The following MELK variants were observed in gnomAD, a reference collection of about 807,000 sequenced individuals.
The protein encoded by MELK is pEg3 kinase.
MELK carries 81 observed loss-of-function variants against 85.0 expected under a neutral mutation model. That is an observed-to-expected ratio of 0.95 (90% CI 0.80 to 1.15). The LOEUF (loss-of-function observed/expected upper bound fraction) is 1.15, where lower values mean the gene tolerates loss of function less well. MELK is among the 50% of genes most tolerant of loss of function. The probability of loss-of-function intolerance (pLI) is 0.00; values close to 1 mark genes in which losing one functional copy is unlikely to be tolerated. For missense variants in MELK, 754 were observed against 777.5 expected (o/e 0.97, Z 0.36); for synonymous variants, 252 against 265.0 (o/e 0.95, Z 0.48).
intron 14 of MELK, among the ~76,000 whole-genome samples, chr9:36,666,036 C>T (rs548693604): frequency 6.6e-6 from 1 of 152,268 alleles, no homozygotes; most frequent in Admixed American, 6.5e-5. Context: ...GGTGTCTGGT[C>T]CTGTTCTGCC....
chr9:36,629,722 T>C (rs1469336534), intron 8 of MELK, among the ~76,000 whole-genome samples: 2 of 152,194 alleles, frequency 1.3e-5, no homozygotes, highest in African/African-American at 4.8e-5. Context: ...TCCAAAGCTG[T>C]ATGACATTTT....
chr9:36,595,605 GTTTTT>G (rs60428796), intron 5 of MELK, among the ~76,000 whole-genome samples: 1 of 122,720 alleles, frequency 8.1e-6, no homozygotes, highest in Non-Finnish European at 1.7e-5. Flanking sequence ...TAAATGTCTT[GTTTTT>G]TTTTTTTTTT....
chr9:36,677,328 C>T lies in MELK; in HGVS notation c.1947C>T (p.Cys649=). ...TAGTGGAAGACATCCTATCTAGCTG[C>T]AAGGTATAATTGATGGATTCTTCCA... ...KRLVEDILSS[C]KV Residue 649 remains cysteine, a synonymous_variant, in exon 18 of 18, where the codon TGC becomes TGT. Coordinates refer to ENST00000298048, the MANE Select transcript of MELK (RefSeq NM_014791.4). 2 of 1,612,098 alleles carry T rather than the reference C, an allele frequency of 1.2e-6. No homozygotes were observed. The highest frequency in any genetic ancestry group is 1.7e-6 in the Non-Finnish European group (2 of 1,178,948).
intron 1 of MELK, 124 bp from the exon 2 acceptor site, chr9:36,581,520 G>T: frequency 5.6e-6 from 3 of 532,572 alleles, no homozygotes; most frequent in Non-Finnish European, 3.4e-6. Flanking sequence ...TTTTCATATG[G>T]CCAATAATCA....
At chr9:36,632,060 G>A (rs1331018516) in intron 9 of MELK, among the ~76,000 whole-genome samples, 1 of 152,228 alleles carries the variant, frequency 6.6e-6, no homozygotes, top group Admixed American at 6.5e-5. Flanking sequence ...CTAGTGCAGT[G>A]GTTCTCAAAC....
intron 3 of MELK, among the ~76,000 whole-genome samples, chr9:36,585,018 C>T (rs138001768): frequency 8.5e-4 from 129 of 152,218 alleles, no homozygotes; most frequent in Middle Eastern, 6.8e-3. Context: ...TGTACTTGGC[C>T]TGTCCCAGCA....
intron 1 of MELK, among the ~76,000 whole-genome samples, chr9:36,577,477 C>G (rs1327148550): frequency 6.6e-6 from 1 of 151,926 alleles, no homozygotes; most frequent in Non-Finnish European, 1.5e-5. Flanking sequence ...GATCGCACTA[C>G]TGCACTGCAG....
intron 10 of MELK, among the ~76,000 whole-genome samples, chr9:36,640,375 G>GT (rs1418246974): frequency 6.6e-5 from 10 of 152,316 alleles, no homozygotes; most frequent in African/African-American, 2.2e-4. Flanking sequence ...CTTTCTTGCT[G>GT]TGTCCTCACG....
intron 13 of MELK, among the ~76,000 whole-genome samples, chr9:36,658,238 T>C (rs1831445410): frequency 6.6e-6 from 1 of 152,132 alleles, no homozygotes; most frequent in East Asian, 1.9e-4. Flanking sequence ...TGCCCCACTC[T>C]CTTTATTTTA....
chr9:36,632,441 AT>A (rs560792345), intron 9 of MELK, among the ~76,000 whole-genome samples: 463 of 151,458 alleles, frequency 3.1e-3, no homozygotes, highest in Non-Finnish European at 5.4e-3. Context: ...TCTTAGTGCA[AT>A]TTTTTTTTCA....
intron 7 of MELK, among the ~76,000 whole-genome samples, chr9:36,606,296 A>G (rs886941406): frequency 1.4e-5 from 2 of 147,792 alleles, no homozygotes; most frequent in African/African-American, 5.0e-5. Context: ...ATAGGTGTGT[A>G]TATAATATAT....
chr9:36,593,176 C>CTTTT (rs368674596), intron 4 of MELK, among the ~76,000 whole-genome samples: 3,568 of 131,078 alleles, frequency 0.027, 159 homozygotes, highest in African/African-American at 0.095. Context: ...AGAGCTTCCT[C>CTTTT]TTTTTTTTTT....
intron 8 of MELK, among the ~76,000 whole-genome samples, chr9:36,628,303 C>G (rs1266079657): frequency 6.6e-6 from 1 of 152,214 alleles, no homozygotes; most frequent in Non-Finnish European, 1.5e-5. Context: ...CCATGCCTAT[C>G]CCTGGGAAGG....
At chr9:36,648,540 C>A (rs1032559098) in intron 11 of MELK, among the ~76,000 whole-genome samples, 2 of 151,540 alleles carry the variant, frequency 1.3e-5, no homozygotes, top group African/African-American at 4.9e-5. Context: ...AGCTCAGATG[C>A]GGATGATGAA....
At chr9:36,671,212 A>G (rs1832860312) in intron 16 of MELK, 46 bp downstream of exon 16, 11 of 1,471,396 alleles carry the variant, frequency 7.5e-6, no homozygotes, top group South Asian at 1.5e-5. Context: ...GCTGACTGCT[A>G]ATGGACTGCC....
rs60212848 is a variant in MELK, at chr9:36,616,387, C to CTTTTTTTTTTTTTTTTTT, written c.666+8717_666+8734dup. The stretch of plus-strand genomic sequence containing the variant: ...TTAAAGGTATCTAGCATGTCAAACT[C>CTTTTTTTTTTTTTTTTTT]TTTTTTTTTTTTTTTTTTTTAAGGC... On this transcript the variant is annotated intron_variant, in intron 8 of 17. Transcript: ENST00000298048. Among the ~76,000 whole-genome samples the CTTTTTTTTTTTTTTTTTT allele has an allele frequency of 1.6e-3, 185 of 114,602 alleles. 4 individuals carry two copies. Among genetic ancestry groups the CTTTTTTTTTTTTTTTTTT allele is most frequent in the East Asian group, 2.8e-3 (11 of 3,986 alleles). 75.2% of individuals were successfully genotyped at this position (114,602 alleles called of 152,430 possible). A position where few individuals can be genotyped will look rare whatever the true frequency, so the allele number is the denominator to read the frequency against.
intron 5 of MELK, among the ~76,000 whole-genome samples, 153 bp downstream of exon 5, chr9:36,594,924 CTTTTTTTT>C (rs756955937): frequency 2.3e-5 from 3 of 131,920 alleles, no homozygotes; most frequent in Non-Finnish European, 4.9e-5. Flanking sequence ...TTTCCTCTTA[CTTTTTTTT>C]TTTTTTTTTT....
At chr9:36,630,478 A>G (rs1032294726) in intron 9 of MELK, 111 bp downstream of exon 9, 11 of 830,570 alleles carry the variant, frequency 1.3e-5, no homozygotes, top group Admixed American at 2.0e-5. Context: ...TCCCACTCAT[A>G]TCTACCTTGA....
chr9:36,599,566 T>C, intron 7 of MELK, 80 bp downstream of exon 7: 1 of 960,622 alleles, frequency 1.0e-6, no homozygotes, highest in Non-Finnish European at 1.6e-6. Context: ...GCACTGTGCG[T>C]TGGGGGTATA....
Sources: gnomAD v4.1 joint callset for allele counts (sites outside exome capture counted in the v4.1 genomes callset) on GRCh38, gnomAD v4.1.1 for gene constraint, MANE v1.5 for transcripts, NCBI Gene and HGNC (gene_info 2026-07-23, HGNC 2026-07-21) for gene names.